Variants in EFHD1 observed in about 807,000 individuals in gnomAD.
EFHD1 encodes EF-hand domain family member D1.
EFHD1 carries 10 observed loss-of-function variants against 17.2 expected under a neutral mutation model. The ratio of observed to expected loss-of-function variants is 0.58; its 90% CI spans 0.36 to 0.99. The LOEUF (loss-of-function observed/expected upper bound fraction) is 0.99. Ranked by LOEUF, EFHD1 falls within the 50% of genes least tolerant of loss-of-function variation. The pLI, the probability that EFHD1 is intolerant of heterozygous loss-of-function variation, is 0.01. For synonymous variants in EFHD1, 153 were observed against 142.0 expected (o/e 1.08, Z -0.55); for missense variants, 310 against 327.5 (o/e 0.95, Z 0.41).
At chr2:232,670,729 G>C (rs1559355821) in intron 2 of EFHD1, among the ~76,000 whole-genome samples, 1 of 151,850 alleles carries the variant, frequency 6.6e-6, no homozygotes, top group East Asian at 1.9e-4. Flanking sequence ...CCTTGGTGCT[G>C]AGGAAGGTTT....
At chr2:232,615,107 A>G (rs1408132784) in intron 1 of EFHD1, among the ~76,000 whole-genome samples, 1 of 152,106 alleles carries the variant, frequency 6.6e-6, no homozygotes, top group Admixed American at 6.6e-5. Context: ...CTCCCACCTT[A>G]GTCTCCCAAG....
intron 1 of EFHD1, among the ~76,000 whole-genome samples, chr2:232,655,173 G>A: frequency 6.6e-6 from 1 of 152,196 alleles, no homozygotes; most frequent in East Asian, 1.9e-4. Flanking sequence ...TGGCACTGAA[G>A]GCACCTTAGT....
intron 1 of EFHD1, among the ~76,000 whole-genome samples, chr2:232,607,297 C>T (rs1017440119): frequency 1.3e-5 from 2 of 151,676 alleles, no homozygotes; most frequent in African/African-American, 4.8e-5. Flanking sequence ...TAAAAATTAG[C>T]CGGTCGGGCT....
At chr2:232,642,793 C>T (rs773496665) in intron 1 of EFHD1, among the ~76,000 whole-genome samples, 3 of 151,816 alleles carry the variant, frequency 2.0e-5, no homozygotes, top group African/African-American at 7.3e-5. Flanking sequence ...CCGAGAGTCA[C>T]CTCCAGCTGT....
upstream of EFHD1, among the ~76,000 whole-genome samples, chr2:232,632,011 A>C (rs1441217988): frequency 1.3e-5 from 2 of 152,112 alleles, no homozygotes; most frequent in East Asian, 1.9e-4. Context: ...CTCAAAAAAA[A>C]AAAAAGTTTT....
intron 1 of EFHD1, among the ~76,000 whole-genome samples, chr2:232,639,113 TC>T (rs1193605938): frequency 1.3e-5 from 2 of 152,054 alleles, no homozygotes; most frequent in Non-Finnish European, 2.9e-5. Flanking sequence ...TGTAGGGAGT[TC>T]CCTCTTCCTC....
At position 232,681,676 on chromosome 2, in the gene EFHD1, G is replaced by A. The variant is rs761223584; in HGVS notation, c.677G>A (p.Arg226His). 4.9e-5 allele frequency: 79 copies of A among 1,614,078 alleles called. No individual in the cohort carries two copies. The South Asian group carries it at 4.9e-4, about 10-fold the overall frequency. ...RKREEEERRL[R>H]QAAFQKLKAN... ...CGGGAGGAGGAGGAGAGGCGGCTCC[G>A]CCAGGCAGCCTTCCAGAAACTCAAG... The change falls in exon 4 of 4, where the codon CGC becomes CAC. Residue 226 changes from arginine (R) to histidine (H), a missense_variant. Physicochemically the swap from Arg to His is conservative, Grantham distance 29. Transcript: ENST00000264059.
intron 2 of EFHD1, among the ~76,000 whole-genome samples, chr2:232,664,426 T>C (rs867317165): frequency 6.6e-6 from 1 of 151,726 alleles, no homozygotes; most frequent in African/African-American, 2.4e-5. Context: ...CTTTTTATTT[T>C]TATAGCATGC....
At chr2:232,655,401 C>T (rs1009529925) in intron 1 of EFHD1, among the ~76,000 whole-genome samples, 3 of 152,172 alleles carry the variant, frequency 2.0e-5, no homozygotes, top group African/African-American at 7.2e-5. Flanking sequence ...CTTGAAAAAC[C>T]GCATTGCCAA....
chr2:232,679,534 G>A (rs539795484), intron 3 of EFHD1, among the ~76,000 whole-genome samples: 1 of 151,716 alleles, frequency 6.6e-6, no homozygotes, highest in South Asian at 2.1e-4. Flanking sequence ...GGGCAACATA[G>A]AGCAACCCCA....
chr2:232,670,933 A>G (rs1695056718), intron 2 of EFHD1, among the ~76,000 whole-genome samples: 1 of 152,236 alleles, frequency 6.6e-6, no homozygotes, highest in African/African-American at 2.4e-5. Context: ...TTAAAAAACC[A>G]TTGGAAATAT....
chr2:232,606,186 T>C, intron 1 of EFHD1: 2 of 1,535,034 alleles, frequency 1.3e-6, no homozygotes, highest in Non-Finnish European at 1.8e-6. Flanking sequence ...AAGTGCTCTT[T>C]AAATCCCCTT....
intron 1 of EFHD1, among the ~76,000 whole-genome samples, chr2:232,613,643 C>CACAA (rs761145052): frequency 0.31 from 41,020 of 133,604 alleles, 6,675 homozygotes; most frequent in East Asian, 0.64. Context: ...TATACACACA[C>CACAA]ATACACACAC....
At chr2:232,629,929 A>G (rs1694174084), upstream of EFHD1, among the ~76,000 whole-genome samples, 1 of 151,786 alleles carries the variant, frequency 6.6e-6, no homozygotes, top group African/African-American at 2.4e-5. Context: ...ATATTGGCCC[A>G]TGATTCAACA....
chr2:232,630,784 TAAA>T (rs35113329), upstream of EFHD1, among the ~76,000 whole-genome samples: 2 of 134,918 alleles, frequency 1.5e-5, no homozygotes, highest in African/African-American at 2.8e-5. Context: ...TCATCTCTAT[TAAA>T]AAAAAAAAAA....
At chr2:232,673,590 T>C (rs17297702) in intron 3 of EFHD1, among the ~76,000 whole-genome samples, 26,155 of 152,092 alleles carry the variant, frequency 0.17, 2,633 homozygotes, top group Middle Eastern at 0.3. Flanking sequence ...CAGACCCACA[T>C]TGAAGAGTTC....
chr2:232,611,434 A>G (rs955160916), intron 1 of EFHD1: 2 of 152,038 alleles, frequency 1.3e-5, no homozygotes, highest in African/African-American at 4.8e-5. Context: ...GGGAGTTCTC[A>G]TCATCGATGA....
chr2:232,616,338 G>A (rs1165149511), intron 1 of EFHD1, among the ~76,000 whole-genome samples: 3 of 151,530 alleles, frequency 2.0e-5, no homozygotes, highest in Non-Finnish European at 4.4e-5. Context: ...TCACTCTGTC[G>A]CCCAAGCTGG....
At chr2:232,620,489 G>T (rs892605901) in intron 1 of EFHD1, among the ~76,000 whole-genome samples, 1 of 151,224 alleles carries the variant, frequency 6.6e-6, no homozygotes, top group Non-Finnish European at 1.5e-5. Flanking sequence ...GTGCTTAAGC[G>T]ATCCTCCTGC....
Sources: gnomAD v4.1 joint callset for allele counts (sites outside exome capture counted in the v4.1 genomes callset) on GRCh38, gnomAD v4.1.1 for gene constraint, MANE v1.5 for transcripts, NCBI Gene and HGNC (gene_info 2026-07-23, HGNC 2026-07-21) for gene names.